Variants in GPC6 observed in about 807,000 individuals in gnomAD.
GPC6 encodes glypican-6.
GPC6 carries 14 observed loss-of-function variants against 55.2 expected under a neutral mutation model. The ratio of observed to expected loss-of-function variants is 0.25; its 90% CI spans 0.17 to 0.40. The LOEUF (loss-of-function observed/expected upper bound fraction) is 0.40, where lower values mean the gene tolerates loss of function less well. GPC6 is among the 10% of genes least tolerant of loss of function. GPC6 has a pLI of 1.00. For missense variants in GPC6, 641 were observed against 708.5 expected, an observed-to-expected ratio of 0.90 and a Z score of 1.08; for synonymous variants, 278 against 259.6, an observed-to-expected ratio of 1.07 and a Z score of -0.68.
At chr13:93,990,216 A>G (rs1881234566) in intron 3 of GPC6, among the ~76,000 whole-genome samples, 1 of 152,042 alleles carries the variant, frequency 6.6e-6, no homozygotes, top group South Asian at 2.1e-4. Context: ...TATTCAGATC[A>G]AAACATAATT....
At chr13:93,537,958 A>G (rs938214551) in intron 1 of GPC6, among the ~76,000 whole-genome samples, 1 of 152,222 alleles carries the variant, frequency 6.6e-6, no homozygotes, top group African/African-American at 2.4e-5. Flanking sequence ...CTCAAAAAAT[A>G]TAATACAAAA....
chr13:93,385,035 A>G (rs1190222508), intron 1 of GPC6, among the ~76,000 whole-genome samples: 1 of 152,216 alleles, frequency 6.6e-6, no homozygotes, highest in East Asian at 1.9e-4. Flanking sequence ...AGTAACTCAA[A>G]CTAAAATACA....
chr13:93,877,793 C>T (rs939474742), intron 3 of GPC6, among the ~76,000 whole-genome samples: 12 of 152,036 alleles, frequency 7.9e-5, no homozygotes, highest in African/African-American at 2.7e-4. Context: ...AGATAATAAA[C>T]GCCCTTTCTT....
intron 1 of GPC6, among the ~76,000 whole-genome samples, chr13:93,273,168 C>CT (rs1877598401): frequency 6.6e-6 from 1 of 152,114 alleles, no homozygotes; most frequent in Non-Finnish European, 1.5e-5. Context: ...TCTCTGACAT[C>CT]TAGGAATATG....
chr13:93,810,003 C>T (rs756460505), intron 2 of GPC6, among the ~76,000 whole-genome samples: 2 of 152,098 alleles, frequency 1.3e-5, no homozygotes, highest in Admixed American at 6.5e-5. Context: ...CTCTGAGTTC[C>T]TTGCTTTTCT....
intron 4 of GPC6, among the ~76,000 whole-genome samples, chr13:94,248,333 G>T (rs781129794): frequency 1.3e-5 from 2 of 152,046 alleles, no homozygotes; most frequent in Non-Finnish European, 2.9e-5. Flanking sequence ...TGGTTAAATT[G>T]TTTGCAGAGA....
At chr13:93,270,973 T>G (rs541956390) in intron 1 of GPC6, among the ~76,000 whole-genome samples, 10 of 152,332 alleles carry the variant, frequency 6.6e-5, no homozygotes, top group African/African-American at 2.4e-4. Flanking sequence ...TTAATAGACT[T>G]GCACCCGTAG....
At chr13:93,848,332 T>C (rs762914755) in intron 3 of GPC6, among the ~76,000 whole-genome samples, 1 of 152,116 alleles carries the variant, frequency 6.6e-6, no homozygotes, top group Non-Finnish European at 1.5e-5. Context: ...ACAATCATTT[T>C]GTAACTTTCG....
rs752282829 is a variant in GPC6 at position 93,830,553 on chromosome 13, A to G, written c.711+8A>G. On this transcript the variant is annotated splice_region_variant and intron_variant, in intron 3 of 8. Transcript: ENST00000377047. ...GCAAACCGAGTTTCCAAGGTAATTG[A>G]AAACGTGCTTTCTTTCTCATTGGTG... 1.2e-6 allele frequency: 2 copies of G among 1,608,376 alleles called. No individual in the cohort carries two copies.
intron 2 of GPC6, among the ~76,000 whole-genome samples, chr13:93,747,623 A>G (rs1262902132): frequency 6.6e-6 from 1 of 152,184 alleles, no homozygotes; most frequent in Non-Finnish European, 1.5e-5. Flanking sequence ...TTTCACTTTT[A>G]GGGCAGTATT....
chr13:94,389,060 T>A (rs548547560), intron 7 of GPC6, among the ~76,000 whole-genome samples: 70 of 152,334 alleles, frequency 4.6e-4, no homozygotes, highest in Middle Eastern at 3.4e-3. Context: ...TTCTACTCCT[T>A]CTATTTTTCA....
Position 94,346,329 on chromosome 13 carries a change from T to C in GPC6, c.1153-36085T>C, listed in dbSNP as rs570517173. ...AGTGTGAGTTCTTAATCTCATTACA[T>C]GTTGAATGCTGCGCTATGTAAGATT... On this transcript the variant is annotated intron_variant, in intron 6 of 8. Coordinates refer to ENST00000377047, the MANE Select transcript of GPC6 (RefSeq NM_005708.5). Among the ~76,000 whole-genome samples, 16 of 152,304 alleles carry C rather than the reference T, an allele frequency of 1.1e-4. No homozygotes were observed. The South Asian group carries it at 2.7e-3, about 26-fold the overall frequency.
intron 4 of GPC6, among the ~76,000 whole-genome samples, chr13:94,135,388 G>A (rs544602128): frequency 6.6e-6 from 1 of 151,990 alleles, no homozygotes; most frequent in Admixed American, 6.6e-5. Context: ...AATTGTCCAG[G>A]GCCTTTTGGC....
intron 1 of GPC6, among the ~76,000 whole-genome samples, chr13:93,387,113 A>G: frequency 6.7e-6 from 1 of 148,896 alleles, no homozygotes; most frequent in Admixed American, 6.8e-5. Context: ...CACTATGGTC[A>G]CTGACTTGAT....
intron 7 of GPC6, among the ~76,000 whole-genome samples, chr13:94,391,670 C>T (rs529034755): frequency 1.3e-5 from 2 of 152,204 alleles, no homozygotes; most frequent in Admixed American, 6.5e-5. Context: ...AAACATGTAC[C>T]ATTGTACGAT....
chr13:93,889,145 G>A (rs567185009), intron 3 of GPC6, among the ~76,000 whole-genome samples: 10 of 152,116 alleles, frequency 6.6e-5, no homozygotes, highest in African/African-American at 1.9e-4. Flanking sequence ...CTAATAAGGG[G>A]AATGGGTTAG....
chr13:93,792,970 C>T (rs1277449128), intron 2 of GPC6, among the ~76,000 whole-genome samples: 1 of 152,178 alleles, frequency 6.6e-6, no homozygotes, highest in African/African-American at 2.4e-5. Flanking sequence ...TTCTGACCCC[C>T]ATACCTCTCA....
intron 1 of GPC6, among the ~76,000 whole-genome samples, chr13:93,265,534 A>G (rs1877292725): frequency 6.6e-6 from 1 of 152,222 alleles, no homozygotes; most frequent in Non-Finnish European, 1.5e-5. Flanking sequence ...TATGTGAAAC[A>G]TAAATGAATT....
At position 93,919,245 on chromosome 13, in the gene GPC6, C is replaced by T. The variant is rs547313447; in HGVS notation, c.711+88700C>T. 9.8e-5 allele frequency among the ~76,000 whole-genome samples: 15 copies of T among 152,292 alleles called. No individual in the cohort carries two copies. The South Asian group carries it at 2.9e-3, about 29-fold the overall frequency. The stretch of plus-strand genomic sequence containing the variant: ...AGCCATGAGCCATTAAACCCCTTTG[C>T]TTTATAAATTACCCAGTCTCAGATA... On this transcript the variant is annotated intron_variant, in intron 3 of 8. Coordinates refer to ENST00000377047, the MANE Select transcript of GPC6 (RefSeq NM_005708.5).
Sources: gnomAD v4.1 joint callset for allele counts (sites outside exome capture counted in the v4.1 genomes callset) on GRCh38, gnomAD v4.1.1 for gene constraint, MANE v1.5 for transcripts, NCBI Gene and HGNC (gene_info 2026-07-23, HGNC 2026-07-21) for gene names.